The following IARS2 variants were observed in gnomAD, a reference collection of about 807,000 sequenced individuals.
IARS2 encodes the protein isoleucyl-tRNA synthetase 2, mitochondrial.
In IARS2, 56 loss-of-function variants were observed where a neutral mutation model predicts 126.3. That is an observed-to-expected ratio of 0.44 (90% CI 0.36 to 0.55). The LOEUF (loss-of-function observed/expected upper bound fraction) is 0.55. Among genes scored for constraint, IARS2 ranks in the 20% least tolerant of loss-of-function variants. The pLI is 0.00. For synonymous variants in IARS2, 407 were observed against 441.1 expected (o/e 0.92, Z 0.97); for missense variants, 1,127 against 1,245.9 (o/e 0.90, Z 1.44).
At chr1:220,134,303 C>T in intron 14 of IARS2, 99 bp from the exon 15 acceptor site, 2 of 796,636 alleles carry the variant, frequency 2.5e-6, no homozygotes, top group Non-Finnish European at 1.9e-6. Context: ...AAGTTACTTC[C>T]CTTCCTCCCC....
chr1:220,126,146 A>T (rs563992342), intron 13 of IARS2, among the ~76,000 whole-genome samples: 1 of 150,906 alleles, frequency 6.6e-6, no homozygotes, highest in African/African-American at 2.4e-5. Context: ...GCCACGCAAC[A>T]TACCTTTAGT....
At chr1:220,107,658 G>A (rs944734214) in intron 10 of IARS2, among the ~76,000 whole-genome samples, 1 of 152,074 alleles carries the variant, frequency 6.6e-6, no homozygotes, top group Non-Finnish European at 1.5e-5. Flanking sequence ...CTTTTCTAGG[G>A]CTACTGTAAA....
chr1:220,105,018 A>G (rs752226453), intron 8 of IARS2, among the ~76,000 whole-genome samples: 6 of 152,234 alleles, frequency 3.9e-5, no homozygotes, highest in Non-Finnish European at 8.8e-5. Flanking sequence ...AAATAAAAAG[A>G]TTTTTATGTC....
chr1:220,135,639 C>A (rs549261151), intron 15 of IARS2, among the ~76,000 whole-genome samples: 1 of 152,034 alleles, frequency 6.6e-6, no homozygotes, highest in African/African-American at 2.4e-5. Flanking sequence ...GGATTACAGG[C>A]GTGAGCCCCC....
chr1:220,116,461 T>TG (rs1181404241), intron 12 of IARS2, among the ~76,000 whole-genome samples: 1 of 151,956 alleles, frequency 6.6e-6, no homozygotes, highest in African/African-American at 2.4e-5. Context: ...TGAGCAATTT[T>TG]TTTTAATTTG....
chr1:220,104,423 G>A (rs542889422), intron 8 of IARS2, among the ~76,000 whole-genome samples: 1 of 152,140 alleles, frequency 6.6e-6, no homozygotes, highest in Non-Finnish European at 1.5e-5. Context: ...TTGCTCTGTT[G>A]CCCAGGCTGG....
chr1:220,132,961 CTAGAT>C (rs1350188076), intron 14 of IARS2, among the ~76,000 whole-genome samples: 1 of 152,014 alleles, frequency 6.6e-6, no homozygotes, highest in Non-Finnish European at 1.5e-5. Flanking sequence ...GCTGCACAGA[CTAGAT>C]TAAACTCTTT....
chr1:220,103,209 A>G (rs1285418064), intron 7 of IARS2, among the ~76,000 whole-genome samples: 3 of 152,002 alleles, frequency 2.0e-5, no homozygotes, highest in African/African-American at 7.2e-5. Flanking sequence ...CCACCACGCC[A>G]GGCTAATTTT....
intron 12 of IARS2, among the ~76,000 whole-genome samples, chr1:220,114,941 CT>C (rs5781165): frequency 0.15 from 21,671 of 143,852 alleles, 1,857 homozygotes; most frequent in Admixed American, 0.22. Context: ...CAGTTTTTCC[CT>C]TTTTTTTTTT....
intron 19 of IARS2, among the ~76,000 whole-genome samples, chr1:220,140,800 C>T (rs1336121380): frequency 1.3e-5 from 2 of 151,840 alleles, no homozygotes; most frequent in African/African-American, 4.8e-5. Context: ...CTGGCTAACA[C>T]AGTGAAACCC....
intron 18 of IARS2, among the ~76,000 whole-genome samples, chr1:220,139,645 G>C (rs987062535): frequency 2.0e-5 from 3 of 152,148 alleles, no homozygotes; most frequent in African/African-American, 7.2e-5. Context: ...CAGCTCCTTG[G>C]GAGGCTGAGG....
In IARS2 at chr1:220,107,120, C is replaced by T; in HGVS notation, c.1296C>T (p.Asn432=). 6.2e-7 allele frequency: 1 copy of T among 1,613,282 alleles called. No homozygotes were observed. Among genetic ancestry groups the T allele is most frequent in the Non-Finnish European group, 8.5e-7 (1 of 1,179,270 alleles). The part of the protein sequence containing the change: ...FTDVAGPELQ[N]KAVLEEGTDV... ...ATGTTGCAGGTCCTGAACTTCAAAA[C>T]AAGGCTGTCCTTGAAGAGGGAACTG... The change falls in exon 10 of 23, where the codon AAC becomes AAT. Residue 432 remains asparagine, a synonymous_variant. Transcript: ENST00000366922.
intron 12 of IARS2, chr1:220,117,788 G>T (rs1366698052): frequency 6.4e-6 from 3 of 469,726 alleles, no homozygotes; most frequent in African/African-American, 6.0e-5. Context: ...ACATGGTAGT[G>T]TTACAGATTA....
intron 18 of IARS2, among the ~76,000 whole-genome samples, chr1:220,139,344 G>A (rs1235929610): frequency 6.6e-6 from 1 of 152,192 alleles, no homozygotes; most frequent in Non-Finnish European, 1.5e-5. Flanking sequence ...ATAAAGTGGA[G>A]TTATACTTTA....
At chr1:220,103,694 T>G (rs1656627278) in intron 8 of IARS2, 132 bp downstream of exon 8, 1 of 576,686 alleles carries the variant, frequency 1.7e-6, no homozygotes, top group Non-Finnish European at 3.1e-6. Context: ...CATTTTACAT[T>G]GATTACACTA....
intron 14 of IARS2, among the ~76,000 whole-genome samples, chr1:220,127,829 C>T (rs979441617): frequency 1.4e-4 from 21 of 152,170 alleles, no homozygotes; most frequent in African/African-American, 4.3e-4. Context: ...GTAAAATGTG[C>T]GTAATAATAA....
intron 18 of IARS2, 139 bp downstream of exon 18, chr1:220,139,278 TC>T: frequency 1.8e-6 from 1 of 541,800 alleles, no homozygotes; most frequent in Non-Finnish European, 3.0e-6. Context: ...TGTCCAGACT[TC>T]CCCTCGGACC....
chr1:220,131,361 A>T, intron 14 of IARS2, among the ~76,000 whole-genome samples: 1 of 150,316 alleles, frequency 6.7e-6, no homozygotes, highest in Non-Finnish European at 1.5e-5. Flanking sequence ...TAATTAATTA[A>T]TTTTTTTGAG....
At chr1:220,144,335 C>T (rs2102843199) in intron 21 of IARS2, 1 of 732,674 alleles carries the variant, frequency 1.4e-6, no homozygotes, top group Admixed American at 1.8e-5. Context: ...TCAGCCAGGA[C>T]ATTCATGCGC....
Sources: gnomAD v4.1 joint callset for allele counts (sites outside exome capture counted in the v4.1 genomes callset) on GRCh38, gnomAD v4.1.1 for gene constraint, MANE v1.5 for transcripts, NCBI Gene and HGNC (gene_info 2026-07-23, HGNC 2026-07-21) for gene names.